The following FAM193A variants were observed in gnomAD, a reference collection of about 807,000 sequenced individuals.
FAM193A encodes protein FAM193A.
A neutral mutation model predicts 126.5 loss-of-function variants in FAM193A; 22 were observed. The observed-to-expected ratio is 0.17, with a 90% CI of 0.12 to 0.25. The LOEUF (loss-of-function observed/expected upper bound fraction) is 0.25. Ranked by LOEUF, FAM193A falls within the 10% of genes least tolerant of loss-of-function variation. The probability of loss-of-function intolerance (pLI) is 1.00; values close to 1 mark genes in which losing one functional copy is unlikely to be tolerated. For missense variants in FAM193A, 1,675 were observed against 1,672.8 expected, an observed-to-expected ratio of 1.00 and a Z score of -0.02; for synonymous variants, 761 against 646.8, an observed-to-expected ratio of 1.18 and a Z score of -2.68.
At chr4:2,727,312 A>T (rs1720872745) in intron 20 of FAM193A, among the ~76,000 whole-genome samples, 1 of 152,156 alleles carries the variant, frequency 6.6e-6, no homozygotes, top group African/African-American at 2.4e-5. Flanking sequence ...CATGAAGGTG[A>T]GTTCTCTCCC....
intron 2 of FAM193A, among the ~76,000 whole-genome samples, chr4:2,600,853 C>T (rs1020160632): frequency 6.6e-6 from 1 of 152,256 alleles, no homozygotes; most frequent in African/African-American, 2.4e-5. Flanking sequence ...TTGGCCTCAC[C>T]TCCCCTTCAC....
At chr4:2,694,091 G>A (rs999940114) in intron 16 of FAM193A, among the ~76,000 whole-genome samples, 6 of 152,202 alleles carry the variant, frequency 3.9e-5, no homozygotes, top group Non-Finnish European at 8.8e-5. Flanking sequence ...GCCGTGGGCC[G>A]CCATGGATAG....
chr4:2,721,261 C>T (rs1289840440), intron 20 of FAM193A, among the ~76,000 whole-genome samples: 4 of 133,638 alleles, frequency 3.0e-5, no homozygotes, highest in Non-Finnish European at 4.6e-5. Flanking sequence ...TGCAGTGAGC[C>T]GAGATTGCAC....
chr4:2,669,533 CG>C (rs1376510758), intron 12 of FAM193A, among the ~76,000 whole-genome samples: 2 of 152,110 alleles, frequency 1.3e-5, no homozygotes, highest in African/African-American at 2.4e-5. Context: ...TGCTTGAACC[CG>C]GGAGGCAGAG....
chr4:2,563,770 ATG>A (rs1738775066), intron 1 of FAM193A, among the ~76,000 whole-genome samples: 1 of 152,222 alleles, frequency 6.6e-6, no homozygotes, highest in Admixed American at 6.5e-5. Context: ...ACTTTTATTA[ATG>A]ACAAGCCATG....
chr4:2,684,020 ATC>A (rs529383370), intron 13 of FAM193A, among the ~76,000 whole-genome samples: 14 of 152,182 alleles, frequency 9.2e-5, no homozygotes, highest in Admixed American at 8.5e-4. Flanking sequence ...ATTTCTTCCC[ATC>A]TCTCTGCTCA....
rs71608214 is a variant in FAM193A, at chr4:2,603,179, G to A, written c.501+6850G>A. On this transcript the variant is annotated intron_variant, in intron 2 of 20. Coordinates refer to ENST00000637812, the MANE Select transcript of FAM193A (RefSeq NM_001366318.2). ...ATGTATATATATATATTTTTTAGTA[G>A]AGACGGGGTTTCACCGTGTTAGCCA... Among the ~76,000 whole-genome samples the A allele has an allele frequency of 1.4e-3, 202 of 149,476 alleles. 1 individual carries two copies. The highest frequency in any genetic ancestry group is 4.8e-3 in the African/African-American group (198 of 40,904).
rs185942923 is a variant in FAM193A, at chr4:2,723,026, C to G, written c.4454+6922C>G. ...CAGTGGCTCGCACCTGTAATCCCAG[C>G]ACTTTGGGAGGCCAAGGCAGGAGGA... On this transcript the variant is annotated intron_variant, in intron 20 of 20. Coordinates refer to ENST00000637812, the MANE Select transcript of FAM193A (RefSeq NM_001366318.2). 2.8e-3 allele frequency among the ~76,000 whole-genome samples: 421 copies of G among 152,262 alleles called. 4 individuals carry two copies. Among genetic ancestry groups the G allele is most frequent in the African/African-American group, 9.8e-3 (409 of 41,556 alleles).
intron 5 of FAM193A, among the ~76,000 whole-genome samples, chr4:2,631,760 C>T (rs1325036707): frequency 6.6e-6 from 1 of 152,068 alleles, no homozygotes; most frequent in African/African-American, 2.4e-5. Flanking sequence ...CAGATGGGTC[C>T]GGTTGCCTCA....
intron 6 of FAM193A, among the ~76,000 whole-genome samples, chr4:2,641,375 T>C (rs1454869187): frequency 6.6e-6 from 1 of 151,826 alleles, no homozygotes; most frequent in Non-Finnish European, 1.5e-5. Flanking sequence ...ATCCGTATAT[T>C]AGGACTGGTA....
chr4:2,725,640 A>T (rs547093164), intron 20 of FAM193A, among the ~76,000 whole-genome samples: 8 of 151,916 alleles, frequency 5.3e-5, no homozygotes, highest in Admixed American at 2.0e-4. Context: ...GATAACTCAT[A>T]TCCTGTAGTT....
Position 2,700,290 on chromosome 4 carries a change from C to T in FAM193A, c.4118C>T (p.Ser1373Leu). 4 of 1,614,052 alleles carry T rather than the reference C, an allele frequency of 2.5e-6. No homozygotes were observed. Among genetic ancestry groups the T allele is most frequent in the Non-Finnish European group, 3.4e-6 (4 of 1,180,026 alleles). ...GQSKPRAQTE[S>L]KAKVVDLMSI... ...TCCAAGCCCCGGGCCCAGACTGAGT[C>T]AAAGGCTAAGGTGGTCGACCTCATG... is the stretch of plus-strand genomic sequence containing the variant. Residue 1373 changes from serine (S) to leucine (L), a missense_variant, in exon 19 of 21, where the codon TCA (serine) becomes TTA (leucine). Ser to Leu is a moderately radical substitution (Grantham distance 145). Around this residue, in one of 4 missense-constraint regions of FAM193A, gnomAD observed 415 missense variants for 396.7 expected, o/e 1.05. Coordinates refer to ENST00000637812, the MANE Select transcript of FAM193A (RefSeq NM_001366318.2).
chr4:2,613,761 TTTTTTTC>T, intron 2 of FAM193A, among the ~76,000 whole-genome samples: 1 of 110,700 alleles, frequency 9.0e-6, no homozygotes. Flanking sequence ...GCCTTTTTTT[TTTTTTTC>T]TTTTTCTTTT....
chr4:2,684,326 A>G (rs1352756352), intron 13 of FAM193A, among the ~76,000 whole-genome samples: 3 of 152,062 alleles, frequency 2.0e-5, no homozygotes, highest in Non-Finnish European at 4.4e-5. Flanking sequence ...CTAGCCTGCC[A>G]CTTAAGTCCT....
intron 1 of FAM193A, among the ~76,000 whole-genome samples, chr4:2,576,749 A>G (rs567641372): frequency 4.6e-5 from 7 of 152,314 alleles, no homozygotes; most frequent in African/African-American, 1.7e-4. Flanking sequence ...CTAAACATCT[A>G]TATATGTGTG....
At chr4:2,701,593 T>A (rs1163784051) in intron 19 of FAM193A, among the ~76,000 whole-genome samples, 1 of 152,174 alleles carries the variant, frequency 6.6e-6, no homozygotes, top group Non-Finnish European at 1.5e-5. Flanking sequence ...GGATGGGAAC[T>A]CTGATCCTGG....
intron 2 of FAM193A, among the ~76,000 whole-genome samples, chr4:2,618,134 G>A (rs546271629): frequency 6.6e-6 from 1 of 152,230 alleles, no homozygotes; most frequent in South Asian, 2.1e-4. Flanking sequence ...TATGTAAGGT[G>A]ACTCGTTTTC....
At chr4:2,681,778 A>T (rs1715154664) in intron 13 of FAM193A, among the ~76,000 whole-genome samples, 1 of 151,876 alleles carries the variant, frequency 6.6e-6, no homozygotes, top group African/African-American at 2.4e-5. Context: ...TAGGTTGCTG[A>T]TAGAGATCTT....
intron 2 of FAM193A, chr4:2,608,114 T>C: frequency 2.5e-6 from 4 of 1,607,266 alleles, no homozygotes; most frequent in Non-Finnish European, 3.4e-6. Context: ...CACGATCTAC[T>C]ATATCTCCTT....
Sources: gnomAD v4.1 joint callset for allele counts (sites outside exome capture counted in the v4.1 genomes callset) on GRCh38, gnomAD v4.1.1 for gene constraint, gnomAD v4.1.1 regional missense constraint, MANE v1.5 for transcripts, NCBI Gene and HGNC (gene_info 2026-07-23, HGNC 2026-07-21) for gene names.